SLC12A5: variants seen among roughly 807,000 people sequenced by gnomAD.
SLC12A5 encodes the protein K-Cl cotransporter 2.
In SLC12A5, 18 loss-of-function variants were observed where a neutral mutation model predicts 124.0. That is an observed-to-expected ratio of 0.15 (90% CI 0.10 to 0.22). The LOEUF (loss-of-function observed/expected upper bound fraction) is 0.22. SLC12A5 is among the 10% of genes least tolerant of loss of function. The pLI is 1.00. For synonymous variants in SLC12A5, 589 were observed against 568.0 expected, an observed-to-expected ratio of 1.04 and a Z score of -0.53; for missense variants, 867 against 1,478.7, an observed-to-expected ratio of 0.59 and a Z score of 6.78.
At position 46,058,947 on chromosome 20, in the gene SLC12A5, A is replaced by C. The variant is rs2084724501; in HGVS notation, c.*1342A>C. ...GGACCTGGGCCTGAGGGAGGGCTGG[A>C]GTCGCACGCGCTTTGTCCTTAGCGC... On this transcript the variant is annotated 3_prime_UTR_variant, in exon 26 of 26. Coordinates refer to ENST00000243964, the MANE Select transcript of SLC12A5 (RefSeq NM_020708.5). This position sits in a 1 kb window ranked among gnomAD's most constrained non-coding sequence, Gnocchi z 5.8. 2 of 390,314 alleles carry C rather than the reference A, an allele frequency of 5.1e-6. No homozygotes were observed. Among genetic ancestry groups the C allele is most frequent in the South Asian group, 2.9e-4 (2 of 6,930 alleles). 24.2% of individuals were successfully genotyped at this position (390,314 alleles called of 1,614,324 possible).
chr20:46,041,620 C>T (rs1249472381), intron 8 of SLC12A5, 80 bp downstream of exon 8: 66 of 1,452,738 alleles, frequency 4.5e-5, no homozygotes, highest in Non-Finnish European at 5.9e-5. Context: ...AGGGGCCCTC[C>T]TTGGGATTCA....
At chr20:46,044,542 T>C (rs2145493077) in intron 11 of SLC12A5, among the ~76,000 whole-genome samples, 1 of 152,126 alleles carries the variant, frequency 6.6e-6, no homozygotes, top group East Asian at 1.9e-4. Context: ...TTCCAGGCAA[T>C]GGGGAGCCAG....
intron 1 of SLC12A5, among the ~76,000 whole-genome samples, chr20:46,032,461 G>A (rs2084462553): frequency 2.6e-5 from 4 of 152,254 alleles, no homozygotes. Context: ...GATGTGGGAT[G>A]GGGAGCCCCG....
chr20:46,023,946 T>G (rs976087240), downstream of SLC12A5, among the ~76,000 whole-genome samples: 2 of 152,148 alleles, frequency 1.3e-5, no homozygotes, highest in African/African-American at 2.4e-5. Context: ...TTGCCTTCTC[T>G]TCTCTCGCTC....
chr20:46,047,280 A>T (rs901176257), intron 14 of SLC12A5, among the ~76,000 whole-genome samples, 174 bp from the exon 15 acceptor site: 1 of 152,192 alleles, frequency 6.6e-6, no homozygotes, highest in Non-Finnish European at 1.5e-5. Context: ...TTCACCCAGA[A>T]GATCCCATAT....
intron 1 of SLC12A5, chr20:46,022,724 C>T: frequency 2.5e-6 from 1 of 398,214 alleles, no homozygotes. Context: ...GGGGCGTCTT[C>T]CTCGCGGGCC....
chr20:46,023,857 C>T (rs2084375776), downstream of SLC12A5, among the ~76,000 whole-genome samples: 1 of 152,088 alleles, frequency 6.6e-6, no homozygotes, highest in African/African-American at 2.4e-5. Context: ...GAGTTCCAGA[C>T]CCAGAGCCTG....
chr20:46,034,313 C>T (rs1001811010), intron 1 of SLC12A5, among the ~76,000 whole-genome samples: 1 of 152,210 alleles, frequency 6.6e-6, no homozygotes, highest in Non-Finnish European at 1.5e-5. Flanking sequence ...GATGCCTCTC[C>T]TGTGTCCCAG....
Position 46,045,768 on chromosome 20 carries a change from T to A in SLC12A5, c.1570-110T>A, listed in dbSNP as rs957243403. 1.1e-5 allele frequency: 9 copies of A among 796,546 alleles called. No homozygotes were observed. In the African/African-American group the frequency reaches 1.5e-4, roughly 14 times the overall value. The allele number at this position is 796,546 out of a possible 1,614,324, so 49.3% of individuals were successfully genotyped here. ...AAGAGAAATGCATCCTCTCCCTTCCTCCTCTTTGGTGATAGGATTCCTGCC... is the reference window on the plus strand; with the variant it reads ...AAGAGAAATGCATCCTCTCCCTTCCACCTCTTTGGTGATAGGATTCCTGCC... On this transcript the variant is annotated intron_variant, in intron 12 of 25. Coordinates refer to ENST00000243964, the MANE Select transcript of SLC12A5 (RefSeq NM_020708.5). The surrounding 1 kb of genome is among the most constrained non-coding windows in gnomAD (Gnocchi z 4.9).
At chr20:46,044,862 G>A (rs1808651771) in intron 11 of SLC12A5, 104 bp from the exon 12 acceptor site, 1 of 1,309,960 alleles carries the variant, frequency 7.6e-7, no homozygotes, top group Admixed American at 1.8e-5. Flanking sequence ...ACAGAACTTA[G>A]TCCTGTGGCA....
At chr20:46,041,654 G>T in intron 8 of SLC12A5, 114 bp downstream of exon 8, 2 of 1,066,214 alleles carry the variant, frequency 1.9e-6, no homozygotes, top group Non-Finnish European at 2.7e-6. Flanking sequence ...AGCTTTAATT[G>T]AGCACCTACT....
At position 46,057,334 on chromosome 20, in the gene SLC12A5, G is replaced by T; in HGVS notation, c.3259+31G>T. 6.2e-7 allele frequency: 1 copy of T among 1,613,394 alleles called. No individual in the cohort carries two copies. The highest frequency in any genetic ancestry group is 8.5e-7 in the Non-Finnish European group (1 of 1,179,320). On this transcript the variant is annotated intron_variant, in intron 25 of 25. Coordinates refer to ENST00000243964, the MANE Select transcript of SLC12A5 (RefSeq NM_020708.5). The surrounding 1 kb of genome is among the most constrained non-coding windows in gnomAD (Gnocchi z 7.1). Reference sequence around the variant, plus strand: ...CTGGAATTAAAATTGGGGGAAAGAGGGAGGTGGACGTCAGGGAATCTGGGT... The same window carrying T: ...CTGGAATTAAAATTGGGGGAAAGAGTGAGGTGGACGTCAGGGAATCTGGGT...
rs947026735 is a variant in SLC12A5 at position 46,043,283 on chromosome 20, C to T, written c.1197C>T (p.Tyr399=). 6.2e-7 allele frequency: 1 copy of T among 1,613,986 alleles called. No individual in the cohort carries two copies. Among genetic ancestry groups the T allele is most frequent in the African/African-American group, 1.3e-5 (1 of 74,908 alleles). The change falls in exon 9 of 26, where the codon TAC becomes TAT. Residue 399 remains tyrosine (Y), a synonymous_variant. Coordinates refer to ENST00000243964, the MANE Select transcript of SLC12A5 (RefSeq NM_020708.5). ...HPYVFSDMTS[Y]FTLLVGIYFP... is the part of the protein sequence containing the mutation. ...ATGTCTTCAGTGATATGACCTCCTA[C>T]TTCACCCTGCTGGTTGGCATCTACT...
At chr20:46,025,454 G>C, upstream of SLC12A5, among the ~76,000 whole-genome samples, 1 of 152,116 alleles carries the variant, frequency 6.6e-6, no homozygotes, top group East Asian at 1.9e-4. Context: ...GTGACAGGCT[G>C]CTCTCTCTTT....
Position 46,053,035 on chromosome 20 carries a change from A to G in SLC12A5, c.2456A>G (p.Glu819Gly). 6.2e-7 allele frequency: 1 copy of G among 1,614,154 alleles called. No individual in the cohort carries two copies. The highest frequency in any genetic ancestry group is 8.5e-7 in the Non-Finnish European group (1 of 1,179,992). ...KNVSMFPGNP[E>G]RFSEGSIDVW... ...GTTTCCATGTTTCCTGGGAACCCTG[A>G]GCGCTTCTCTGAGGGCAGCATCGAC... Residue 819 changes from glutamate (E) to glycine (G), a missense_variant, in exon 19 of 26, where the codon GAG (glutamate) becomes GGG (glycine). Coordinates refer to ENST00000243964, the MANE Select transcript of SLC12A5 (RefSeq NM_020708.5). This position sits in a 1 kb window ranked among gnomAD's most constrained non-coding sequence, Gnocchi z 4.7.
At chr20:46,035,114 C>CT in intron 2 of SLC12A5, 72 bp downstream of exon 2, 1 of 1,484,620 alleles carries the variant, frequency 6.7e-7, no homozygotes, top group Non-Finnish European at 9.4e-7. Context: ...CTCTCCCTCC[C>CT]TCCCTAGGGA....
intron 2 of SLC12A5, chr20:46,023,084 C>G: frequency 2.5e-6 from 1 of 399,902 alleles, no homozygotes; most frequent in Non-Finnish European, 4.4e-6. Context: ...GAGCTCGCCC[C>G]GAAGCAAACC....
rs1482343741 is a variant in SLC12A5 at position 46,057,635 on chromosome 20, G to C, written c.*30G>C. The C allele has an allele frequency of 5.1e-6, 8 of 1,575,752 alleles. No individual in the cohort carries two copies. Among genetic ancestry groups the C allele is most frequent in the Non-Finnish European group, 6.9e-6 (8 of 1,154,518 alleles). On this transcript the variant is annotated 3_prime_UTR_variant, in exon 26 of 26. Coordinates refer to ENST00000243964, the MANE Select transcript of SLC12A5 (RefSeq NM_020708.5). This position sits in a 1 kb window ranked among gnomAD's most constrained non-coding sequence, Gnocchi z 7.1. ...CAGGACCTGCCACCCGGGCCCGAGC[G>C]CGCCCGGCCCGCGGCTCCGGAGCCC...
chr20:46,044,707 A>AG, intron 11 of SLC12A5: 1 of 499,804 alleles, frequency 2.0e-6, no homozygotes, highest in Non-Finnish European at 3.6e-6. Context: ...GGCTTCTGTA[A>AG]GGGAATGCAG....
Sources: allele counts gnomAD v4.1 joint callset (sites outside exome capture counted in the v4.1 genomes callset), GRCh38; gene constraint gnomAD v4.1.1; non-coding constraint Gnocchi (gnomAD v3.1); transcripts MANE v1.5; gene names NCBI Gene and HGNC (gene_info 2026-07-23, HGNC 2026-07-21).